PTPRG: variants seen among roughly 807,000 people sequenced by gnomAD.
PTPRG encodes the protein protein tyrosine phosphatase receptor type G, also known as receptor-type tyrosine-protein phosphatase gamma.
A neutral mutation model predicts 165.3 loss-of-function variants in PTPRG; 102 were observed. The observed-to-expected ratio is 0.62, with a 90% CI of 0.53 to 0.73. The LOEUF is 0.73. PTPRG is among the 30% of genes least tolerant of loss of function. The pLI, the probability that PTPRG is intolerant of heterozygous loss-of-function variation, is 0.00. For missense variants in PTPRG, 1,866 were observed against 1,861.4 expected (o/e 1.00, Z -0.05); for synonymous variants, 675 against 669.5 (o/e 1.01, Z -0.13).
rs1035808665 is a variant in PTPRG, at chr3:62,155,341, T to A, written c.683-1726T>A. 5.3e-5 allele frequency among the ~76,000 whole-genome samples: 8 copies of A among 152,178 alleles called. No homozygotes were observed. The East Asian group carries it at 1.3e-3, about 26-fold the overall frequency. On this transcript the variant is annotated intron_variant, in intron 6 of 29. Transcript: ENST00000474889. The stretch of plus-strand genomic sequence containing the variant: ...ACCTCTCTGTTCCTTGATTTCCACA[T>A]CTGTAAAATGAGTATTAGAAAGCAC...
chr3:61,952,478 C>T (rs1450453470), intron 2 of PTPRG, among the ~76,000 whole-genome samples: 3 of 152,156 alleles, frequency 2.0e-5, no homozygotes, highest in Admixed American at 6.5e-5. Flanking sequence ...ACTCTGTACA[C>T]GGTCTCCCCA....
chr3:62,286,942 T>C (rs1444220095), intron 28 of PTPRG, among the ~76,000 whole-genome samples: 1 of 152,158 alleles, frequency 6.6e-6, no homozygotes, highest in Non-Finnish European at 1.5e-5. Flanking sequence ...GCAGAAGATA[T>C]TTAAAAGTAT....
At chr3:61,860,348 A>T (rs1342623476) in intron 2 of PTPRG, among the ~76,000 whole-genome samples, 1 of 137,482 alleles carries the variant, frequency 7.3e-6, no homozygotes, top group Non-Finnish European at 1.5e-5. Context: ...AGCCCGTGAA[A>T]GCCATTGTTT....
chr3:62,063,394 C>G (rs1358060507), intron 4 of PTPRG, among the ~76,000 whole-genome samples: 1 of 152,186 alleles, frequency 6.6e-6, no homozygotes, highest in Non-Finnish European at 1.5e-5. Context: ...TGGGTTTTAA[C>G]CAATATATCA....
chr3:62,121,307 A>G (rs1164174313), intron 5 of PTPRG, among the ~76,000 whole-genome samples: 2 of 151,932 alleles, frequency 1.3e-5, no homozygotes, highest in Non-Finnish European at 2.9e-5. Flanking sequence ...CTAAATACTC[A>G]CGGATCTTGG....
chr3:62,081,180 G>A (rs536264103), intron 5 of PTPRG, among the ~76,000 whole-genome samples: 92 of 151,458 alleles, frequency 6.1e-4, no homozygotes, highest in African/African-American at 1.8e-3. Flanking sequence ...TGGCGTGAAC[G>A]TGGGAGGCAG....
chr3:62,200,936 A>G (rs1049814175), intron 10 of PTPRG, among the ~76,000 whole-genome samples: 2 of 152,240 alleles, frequency 1.3e-5, no homozygotes, highest in Non-Finnish European at 2.9e-5. Flanking sequence ...ATAAGAAATC[A>G]TGACCAAAAA....
chr3:61,849,736 TAC>T (rs201064157), intron 2 of PTPRG, among the ~76,000 whole-genome samples: 1,621 of 152,282 alleles, frequency 0.011, 31 homozygotes, highest in African/African-American at 0.036. Flanking sequence ...TAGCTACAGC[TAC>T]ACATAGAACA....
intron 1 of PTPRG, among the ~76,000 whole-genome samples, chr3:61,570,055 G>C (rs1284418624): frequency 6.6e-6 from 1 of 152,176 alleles, no homozygotes. Context: ...TGTGGTAATG[G>C]AGGGAAATAG....
At chr3:61,886,557 C>T (rs952394283) in intron 2 of PTPRG, among the ~76,000 whole-genome samples, 1 of 152,108 alleles carries the variant, frequency 6.6e-6, no homozygotes, top group African/African-American at 2.4e-5. Flanking sequence ...CTTCCCCGCC[C>T]TGCCCCTTGC....
At chr3:62,001,927 A>G (rs1040562046) in intron 3 of PTPRG, among the ~76,000 whole-genome samples, 3 of 152,196 alleles carry the variant, frequency 2.0e-5, no homozygotes, top group Non-Finnish European at 4.4e-5. Flanking sequence ...CCTTTACAGG[A>G]AAAGTTTACG....
At chr3:62,068,840 T>C (rs1041005394) in intron 4 of PTPRG, among the ~76,000 whole-genome samples, 9 of 152,200 alleles carry the variant, frequency 5.9e-5, no homozygotes, top group African/African-American at 2.2e-4. Context: ...TAGTTGAAGA[T>C]AATTCCCTGT....
At chr3:61,819,752 C>A (rs677296) in intron 2 of PTPRG, among the ~76,000 whole-genome samples, 50,880 of 151,896 alleles carry the variant, frequency 0.33, 9,180 homozygotes, top group African/African-American at 0.47. Context: ...CTTTATACAA[C>A]AGAGGGTACA....
At chr3:61,600,542 T>C (rs1238597625) in intron 1 of PTPRG, among the ~76,000 whole-genome samples, 1 of 152,042 alleles carries the variant, frequency 6.6e-6, no homozygotes, top group Non-Finnish European at 1.5e-5. Flanking sequence ...TCTTTTGTTT[T>C]TTGTTTTTGT....
At chr3:61,824,106 C>T (rs940703898) in intron 2 of PTPRG, among the ~76,000 whole-genome samples, 8 of 150,398 alleles carry the variant, frequency 5.3e-5, no homozygotes, top group Non-Finnish European at 8.9e-5. Flanking sequence ...TCAGCCTGGG[C>T]GACAGAGCGA....
rs145694435 is a variant in PTPRG at position 61,723,572 on chromosome 3, T to C, written c.86-25306T>C. On this transcript the variant is annotated intron_variant, in intron 1 of 29. Coordinates refer to ENST00000474889, the MANE Select transcript of PTPRG (RefSeq NM_002841.4). ...TGTTAGATTATCTTTAGAAGAGATATATATTATTAAAAATACCATTAACTT... is the reference window on the plus strand; with the variant it reads ...TGTTAGATTATCTTTAGAAGAGATACATATTATTAAAAATACCATTAACTT... 2.2e-3 allele frequency among the ~76,000 whole-genome samples: 328 copies of C among 152,300 alleles called. 5 individuals carry two copies. Among genetic ancestry groups the C allele is most frequent in the African/African-American group, 7.6e-3 (314 of 41,552 alleles).
intron 2 of PTPRG, among the ~76,000 whole-genome samples, chr3:61,779,928 G>A (rs910636288): frequency 1.3e-5 from 2 of 152,158 alleles, no homozygotes; most frequent in African/African-American, 2.4e-5. Context: ...ATTGATCAGA[G>A]TTAGATATTA....
intron 1 of PTPRG, among the ~76,000 whole-genome samples, chr3:61,692,362 G>T (rs2030272601): frequency 6.6e-6 from 1 of 152,174 alleles, no homozygotes; most frequent in African/African-American, 2.4e-5. Flanking sequence ...ACTCCATAGA[G>T]TTGATGTATT....
At chr3:61,607,831 C>T (rs1701056064) in intron 1 of PTPRG, among the ~76,000 whole-genome samples, 1 of 152,056 alleles carries the variant, frequency 6.6e-6, no homozygotes, top group Non-Finnish European at 1.5e-5. Flanking sequence ...AGGTGCAGAG[C>T]CACAGCGAGG....
Sources: gnomAD v4.1 joint callset for allele counts (sites outside exome capture counted in the v4.1 genomes callset) on GRCh38, gnomAD v4.1.1 for gene constraint, MANE v1.5 for transcripts, NCBI Gene and HGNC (gene_info 2026-07-23, HGNC 2026-07-21) for gene names.